Variants in KIFAP3 observed in about 807,000 individuals in gnomAD.
The protein encoded by KIFAP3 is kinesin associated protein 3.
Under a neutral mutation model 106.5 loss-of-function variants are expected in KIFAP3, and 68 were observed. The observed-to-expected ratio is 0.64, with a 90% CI of 0.53 to 0.78. The LOEUF (loss-of-function observed/expected upper bound fraction) is 0.78. KIFAP3 is among the 30% of genes least tolerant of loss of function. KIFAP3 has a pLI of 0.00. For synonymous variants in KIFAP3, 320 were observed against 311.5 expected (o/e 1.03, Z -0.29); for missense variants, 780 against 941.8 (o/e 0.83, Z 2.25).
chr1:169,992,478 G>C (rs1319657653), intron 10 of KIFAP3, among the ~76,000 whole-genome samples: 2 of 151,926 alleles, frequency 1.3e-5, no homozygotes, highest in Middle Eastern at 3.2e-3. Context: ...TATTTCCCAA[G>C]GTATAGTTTT....
chr1:170,067,438 T>G (rs1301427348), intron 1 of KIFAP3: 1 of 152,120 alleles, frequency 6.6e-6, no homozygotes, highest in Non-Finnish European at 1.5e-5. Flanking sequence ...AGCAACCAAG[T>G]GAATGTTTAA....
chr1:170,016,727 T>A (rs1359681637), intron 9 of KIFAP3, 103 bp from the exon 10 acceptor site: 1 of 640,778 alleles, frequency 1.6e-6, no homozygotes, highest in Non-Finnish European at 2.5e-6. Context: ...TATATCTGTT[T>A]TATAATTATA....
chr1:170,028,614 G>T (rs1669239942), intron 8 of KIFAP3, among the ~76,000 whole-genome samples: 2 of 152,180 alleles, frequency 1.3e-5, no homozygotes, highest in South Asian at 4.1e-4. Flanking sequence ...TGGGATTACA[G>T]GTGTGAGCCA....
chr1:170,053,300 C>G (rs1042323132), intron 2 of KIFAP3, among the ~76,000 whole-genome samples: 2 of 152,040 alleles, frequency 1.3e-5, no homozygotes, highest in African/African-American at 4.8e-5. Context: ...ATGTGAAGGA[C>G]CTCTTCGAGG....
At chr1:170,009,390 G>A (rs1668134759) in intron 10 of KIFAP3, among the ~76,000 whole-genome samples, 1 of 152,014 alleles carries the variant, frequency 6.6e-6, no homozygotes, top group Non-Finnish European at 1.5e-5. Flanking sequence ...GTCCAAAAGA[G>A]TTCACCAGTG....
At chr1:170,040,865 T>C (rs1669938592) in intron 3 of KIFAP3, among the ~76,000 whole-genome samples, 2 of 151,672 alleles carry the variant, frequency 1.3e-5, no homozygotes, top group South Asian at 4.2e-4. Context: ...TCTCGCTCTG[T>C]GCCAGGATGG....
chr1:169,956,068 A>C (rs1404601766), intron 18 of KIFAP3, among the ~76,000 whole-genome samples: 1 of 152,176 alleles, frequency 6.6e-6, no homozygotes, highest in East Asian at 1.9e-4. Context: ...ACTAACAAAA[A>C]TCAACAAGTT....
intron 10 of KIFAP3, among the ~76,000 whole-genome samples, chr1:170,001,462 C>T (rs1667664905): frequency 6.6e-6 from 1 of 152,128 alleles, no homozygotes. Context: ...TTAATAACTT[C>T]AAGCAATCTT....
intron 19 of KIFAP3, among the ~76,000 whole-genome samples, chr1:169,924,050 T>A (rs1287425592): frequency 6.6e-6 from 1 of 152,180 alleles, no homozygotes; most frequent in Non-Finnish European, 1.5e-5. Context: ...TCCCATGTAA[T>A]TTGCCAACAG....
At chr1:170,036,701 C>A (rs1162494788) in intron 5 of KIFAP3, among the ~76,000 whole-genome samples, 1 of 151,944 alleles carries the variant, frequency 6.6e-6, no homozygotes, top group Non-Finnish European at 1.5e-5. Flanking sequence ...TAAATACTAG[C>A]CTATACAGAA....
chr1:169,984,745 C>T (rs1188165453), intron 11 of KIFAP3, 55 bp from the exon 12 acceptor site: 3 of 854,340 alleles, frequency 3.5e-6, no homozygotes, highest in Non-Finnish European at 5.8e-6. Flanking sequence ...AAAAACCAAA[C>T]ACAGAAGCAA....
intron 3 of KIFAP3, chr1:170,041,809 C>G (rs2102070729): frequency 6.6e-7 from 1 of 1,507,070 alleles, no homozygotes; most frequent in African/African-American, 1.4e-5. Context: ...GGTCGTGTTC[C>G]CTCTTCAGAA....
At chr1:170,076,931 G>C (rs995061417), upstream of KIFAP3, among the ~76,000 whole-genome samples, 15 of 152,232 alleles carry the variant, frequency 9.9e-5, no homozygotes, top group Non-Finnish European at 2.2e-4. Context: ...TCATTAGTGA[G>C]AGGTGAACCC....
chr1:169,926,366 C>G (rs1323346430), intron 19 of KIFAP3, among the ~76,000 whole-genome samples: 1 of 152,136 alleles, frequency 6.6e-6, no homozygotes, highest in Non-Finnish European at 1.5e-5. Context: ...CTCTCTAAAA[C>G]CACTTCCATT....
At chr1:170,030,792 G>C (rs1229128497) in intron 8 of KIFAP3, among the ~76,000 whole-genome samples, 1 of 151,792 alleles carries the variant, frequency 6.6e-6, no homozygotes, top group African/African-American at 2.4e-5. Flanking sequence ...GAGGAAGAAG[G>C]CAGAAGGAAG....
At chr1:170,067,153 A>G (rs1671487580) in intron 1 of KIFAP3, among the ~76,000 whole-genome samples, 1 of 152,182 alleles carries the variant, frequency 6.6e-6, no homozygotes, top group Non-Finnish European at 1.5e-5. Context: ...CCCAGAATAA[A>G]ACATAGAGAC....
intron 9 of KIFAP3, among the ~76,000 whole-genome samples, chr1:170,022,730 T>C (rs902388542): frequency 2.6e-5 from 4 of 151,252 alleles, no homozygotes; most frequent in African/African-American, 9.7e-5. Flanking sequence ...AATACTTCTC[T>C]TAATCTTAGA....
intron 1 of KIFAP3, among the ~76,000 whole-genome samples, chr1:170,063,860 T>A (rs547729433): frequency 6.6e-6 from 1 of 152,320 alleles, no homozygotes; most frequent in South Asian, 2.1e-4. Context: ...ATGACTGACA[T>A]AATGAATTTT....
chr1:170,039,796 ATAAAT>A (rs1669881315), intron 3 of KIFAP3, among the ~76,000 whole-genome samples: 1 of 152,188 alleles, frequency 6.6e-6, no homozygotes, highest in Admixed American at 6.5e-5. Context: ...AATTAAGATA[ATAAAT>A]TAAAAGGCAA....
Sources: allele counts gnomAD v4.1 joint callset (sites outside exome capture counted in the v4.1 genomes callset), GRCh38; gene constraint gnomAD v4.1.1; transcripts MANE v1.5; gene names NCBI Gene and HGNC (gene_info 2026-07-23, HGNC 2026-07-21).